The following INPP4B variants were observed in gnomAD, a reference collection of about 807,000 sequenced individuals.
The protein encoded by INPP4B is inositol polyphosphate-4-phosphatase type II B, also known as inositol polyphosphate 4-phosphatase type II.
INPP4B carries 55 observed loss-of-function variants against 122.5 expected under a neutral mutation model. That is an observed-to-expected ratio of 0.45 (90% CI 0.36 to 0.56). INPP4B has a LOEUF of 0.56. INPP4B is among the 20% of genes least tolerant of loss of function. INPP4B has a pLI of 0.00. For synonymous variants in INPP4B, 403 were observed against 388.7 expected, an observed-to-expected ratio of 1.04 and a Z score of -0.43; for missense variants, 1,000 against 1,097.7, an observed-to-expected ratio of 0.91 and a Z score of 1.26.
intron 3 of INPP4B, among the ~76,000 whole-genome samples, chr4:142,451,305 C>A (rs910430225): frequency 1.5e-5 from 2 of 129,146 alleles, no homozygotes. Flanking sequence ...GGCTGTAGTG[C>A]AGTGGCATGA....
At chr4:142,190,717 A>AGTGTGTGT (rs374099702) in intron 15 of INPP4B, among the ~76,000 whole-genome samples, 3,149 of 143,954 alleles carry the variant, frequency 0.022, 53 homozygotes, top group Middle Eastern at 0.044. Context: ...GATCTGTAAG[A>AGTGTGTGT]GTGTGTGTGT....
intron 1 of INPP4B, among the ~76,000 whole-genome samples, chr4:142,751,546 G>A (rs556979129): frequency 1.9e-4 from 29 of 152,180 alleles, no homozygotes; most frequent in African/African-American, 6.7e-4. Context: ...TCTTCAAGAA[G>A]CAGTAACACT....
intron 2 of INPP4B, among the ~76,000 whole-genome samples, chr4:142,623,051 C>A (rs1396404632): frequency 6.6e-6 from 1 of 152,020 alleles, no homozygotes; most frequent in Non-Finnish European, 1.5e-5. Context: ...TCCTACACTT[C>A]TGACTTTCTG....
chr4:142,803,649 T>TAAAAAAAAAAAAAAAAA (rs34262906), intron 1 of INPP4B, among the ~76,000 whole-genome samples: 1 of 138,938 alleles, frequency 7.2e-6, no homozygotes, highest in East Asian at 2.1e-4. Context: ...CAATAAAACT[T>TAAAAAAAAAAAAAAAAA]AAAAAAAAAA....
At chr4:142,402,870 A>G in intron 7 of INPP4B, 68 bp downstream of exon 7, 2 of 816,540 alleles carry the variant, frequency 2.4e-6, no homozygotes, top group South Asian at 2.7e-5. Flanking sequence ...TGTCAGTTAC[A>G]CAAAAAATCC....
intron 5 of INPP4B, among the ~76,000 whole-genome samples, chr4:142,417,998 A>G (rs1806123579): frequency 6.6e-6 from 1 of 152,166 alleles, no homozygotes; most frequent in African/African-American, 2.4e-5. Context: ...CTGTCATAAC[A>G]TAGGAATCTT....
chr4:142,813,279 T>C (rs1779737571), intron 1 of INPP4B, among the ~76,000 whole-genome samples: 1 of 152,182 alleles, frequency 6.6e-6, no homozygotes. Context: ...GACATTCTTA[T>C]AACAACCTGT....
chr4:142,432,898 A>C (rs1220299105), intron 3 of INPP4B, among the ~76,000 whole-genome samples: 1 of 152,156 alleles, frequency 6.6e-6, no homozygotes, highest in African/African-American at 2.4e-5. Context: ...TAAATATCTA[A>C]TTCTGTTTAT....
intron 11 of INPP4B, among the ~76,000 whole-genome samples, chr4:142,256,090 G>T (rs1363216391): frequency 6.7e-6 from 1 of 149,360 alleles, no homozygotes; most frequent in Non-Finnish European, 1.5e-5. Flanking sequence ...TGAACAACCT[G>T]CTCCTGAATG....
chr4:142,594,954 CAAAAAA>C (rs70949177), intron 2 of INPP4B, among the ~76,000 whole-genome samples: 2 of 58,046 alleles, frequency 3.4e-5, no homozygotes, highest in Non-Finnish European at 6.6e-5. Flanking sequence ...GACTCTGTCT[CAAAAAA>C]AAAAAAAAAA....
intron 2 of INPP4B, among the ~76,000 whole-genome samples, chr4:142,615,437 T>G (rs1743487530): frequency 6.6e-6 from 1 of 152,120 alleles, no homozygotes. Context: ...GTCTACAAAT[T>G]TGGAGTCAGC....
chr4:142,620,836 T>G (rs1348446137), intron 2 of INPP4B, among the ~76,000 whole-genome samples: 3 of 152,008 alleles, frequency 2.0e-5, no homozygotes, highest in Non-Finnish European at 4.4e-5. Flanking sequence ...CTTTAACCAT[T>G]TAATTTTTTT....
At chr4:142,562,144 G>A (rs1730611792) in intron 2 of INPP4B, among the ~76,000 whole-genome samples, 1 of 152,088 alleles carries the variant, frequency 6.6e-6, no homozygotes, top group Non-Finnish European at 1.5e-5. Flanking sequence ...TAGAGTAGGA[G>A]GTTCTCACTA....
intron 12 of INPP4B, among the ~76,000 whole-genome samples, chr4:142,234,061 C>T (rs1431382751): frequency 6.6e-6 from 1 of 152,092 alleles, no homozygotes; most frequent in Non-Finnish European, 1.5e-5. Flanking sequence ...AAGTATAATG[C>T]TAGCCTGATT....
chr4:142,816,574 T>C (rs77770340), intron 1 of INPP4B, among the ~76,000 whole-genome samples: 9,779 of 152,008 alleles, frequency 0.064, 533 homozygotes, highest in African/African-American at 0.15. Context: ...AAACAAATAA[T>C]AACAATATCC....
intron 9 of INPP4B, among the ~76,000 whole-genome samples, chr4:142,296,363 A>G (rs1758697071): frequency 6.6e-6 from 1 of 152,228 alleles, no homozygotes; most frequent in Non-Finnish European, 1.5e-5. Flanking sequence ...TGAAGTGGGA[A>G]ATAAAAGAAC....
chr4:142,366,241 A>G (rs967575832), intron 7 of INPP4B, among the ~76,000 whole-genome samples: 1 of 152,020 alleles, frequency 6.6e-6, no homozygotes. Flanking sequence ...CCCAAAACCT[A>G]TAAGAACTAA....
chr4:142,207,522 T>C (rs1054166072), intron 14 of INPP4B, among the ~76,000 whole-genome samples: 1 of 152,136 alleles, frequency 6.6e-6, no homozygotes, highest in Non-Finnish European at 1.5e-5. Context: ...TGTAAGTATG[T>C]TTGTATGCAT....
rs3043168 is a variant in INPP4B at position 142,042,516 on chromosome 4, G to GTGTA, written c.2643-13606_2643-13603dup. Among the ~76,000 whole-genome samples the GTGTA allele has an allele frequency of 7.7e-3, 372 of 48,178 alleles. 1 individual carries two copies. Among genetic ancestry groups the GTGTA allele is most frequent in the African/African-American group, 0.014 (339 of 24,856 alleles). 31.6% of individuals were successfully genotyped at this position (48,178 alleles called of 152,430 possible). ...TTTTCCACTGCCAATTTATGTGTGT[G>GTGTA]TGTATGTATGTATGTATGTATGTAT... On this transcript the variant is annotated intron_variant, in intron 25 of 25. Coordinates refer to ENST00000262992, the MANE Select transcript of INPP4B (RefSeq NM_001101669.3).
Sources: allele counts gnomAD v4.1 joint callset (sites outside exome capture counted in the v4.1 genomes callset), GRCh38; gene constraint gnomAD v4.1.1; transcripts MANE v1.5; gene names NCBI Gene and HGNC (gene_info 2026-07-23, HGNC 2026-07-21).